GRIK5: variants seen among roughly 807,000 people sequenced by gnomAD.
The protein encoded by GRIK5 is glutamate ionotropic receptor kainate type subunit 5.
In GRIK5, 43 loss-of-function variants were observed where a neutral mutation model predicts 97.4. The observed-to-expected ratio is 0.44, with a 90% confidence interval of 0.35 to 0.57. GRIK5 has a LOEUF of 0.57. Ranked by LOEUF, GRIK5 falls within the 20% of genes least tolerant of loss-of-function variation. GRIK5 has a pLI of 0.01. For synonymous variants in GRIK5, 580 were observed against 583.5 expected (o/e 0.99, Z 0.09); for missense variants, 1,015 against 1,382.0 (o/e 0.73, Z 4.21).
intron 5 of GRIK5, among the ~76,000 whole-genome samples, chr19:42,061,146 C>T (rs1489835540): frequency 2.0e-5 from 3 of 152,194 alleles, no homozygotes; most frequent in Non-Finnish European, 4.4e-5. Context: ...CTCCCGGGTT[C>T]ACGCCATTCT....
intron 12 of GRIK5, among the ~76,000 whole-genome samples, chr19:42,032,751 C>A (rs1206405500): frequency 3.9e-5 from 6 of 152,234 alleles, no homozygotes; most frequent in African/African-American, 1.4e-4. Flanking sequence ...TCGCCATTCG[C>A]CAGCTGCCCT....
chr19:42,030,599 T>C (rs1473781129), intron 12 of GRIK5, among the ~76,000 whole-genome samples: 1 of 151,966 alleles, frequency 6.6e-6, no homozygotes, highest in Non-Finnish European at 1.5e-5. Flanking sequence ...ACTGTGACTA[T>C]AGGCATGTGC....
Position 42,002,376 on chromosome 19 carries a change from G to A in GRIK5, c.2514+956C>T. 1.4e-6 allele frequency: 1 copy of A among 717,644 alleles called. No homozygotes were observed. Among genetic ancestry groups the A allele is most frequent in the East Asian group, 2.7e-5 (1 of 37,294 alleles). 44.5% of individuals were successfully genotyped at this position (717,644 alleles called of 1,614,324 possible). On this transcript the variant is annotated intron_variant, in intron 19 of 19. Transcript: ENST00000593562. This position sits in a 1 kb window ranked among gnomAD's most constrained non-coding sequence, Gnocchi z 5.2. ...TGGTGGCCTGAATCCAATAAAGAGAGGACAACTGATGCTGCAGGAGGAAAG... is the reference window on the plus strand; with the variant it reads ...TGGTGGCCTGAATCCAATAAAGAGAAGACAACTGATGCTGCAGGAGGAAAG...
chr19:42,013,103 C>T (rs370777492), intron 15 of GRIK5, among the ~76,000 whole-genome samples: 60 of 151,320 alleles, frequency 4.0e-4, no homozygotes, highest in Non-Finnish European at 7.1e-4. Context: ...CCTGTAATCG[C>T]GGCACTTTGG....
rs2076194831 is a variant in GRIK5, at chr19:42,056,936, G to A, written c.730C>T (p.Leu244Phe). Residue 244 changes from leucine (L) to phenylalanine (F), a missense_variant, in exon 7 of 20, where the codon CTC (leucine) becomes TTC (phenylalanine). Leu to Phe is a conservative substitution (Grantham distance 22). This residue lies in a region of GRIK5 where 477 missense variants were observed against 701.1 expected (regional missense o/e 0.68). Transcript: ENST00000593562. The part of the protein sequence containing the change: ...GMTSAFYKYI[L>F]TTMDFPILHL... ...GAGGGCATACACACCATGGTGGTGA[G>A]GATGTACTTGTAAAACGCTGAGGTC... The A allele has an allele frequency of 1.9e-6, 3 of 1,579,310 alleles. No individual in the cohort carries two copies. The African/African-American group carries it at 4.0e-5, about 21-fold the overall frequency.
rs1208299404 is a variant in GRIK5, at chr19:42,065,115, G to T, written c.244+108C>A. ...AGAGACAAACACAAAGAAGGGGGAGGATGGAGCTAGAAGAGGACAAGGCCA... is the reference window on the plus strand; with the variant it reads ...AGAGACAAACACAAAGAAGGGGGAGTATGGAGCTAGAAGAGGACAAGGCCA... On this transcript the variant is annotated intron_variant, in intron 3 of 19. Coordinates refer to ENST00000593562, the MANE Select transcript of GRIK5 (RefSeq NM_002088.5). The surrounding 1 kb of genome is among the most constrained non-coding windows in gnomAD (Gnocchi z 5.8). 8.8e-6 allele frequency: 8 copies of T among 913,538 alleles called. No individual in the cohort carries two copies. The highest frequency in any genetic ancestry group is 1.3e-5 in the Non-Finnish European group (8 of 604,238). 56.6% of individuals were successfully genotyped at this position (913,538 alleles called of 1,614,324 possible).
chr19:42,007,331 G>C (rs564835732), intron 15 of GRIK5, among the ~76,000 whole-genome samples: 12 of 152,112 alleles, frequency 7.9e-5, no homozygotes, highest in Non-Finnish European at 1.3e-4. Flanking sequence ...CTGACCTCAG[G>C]TGATCCACCT....
rs181815755 is a variant in GRIK5, at chr19:42,048,417, C to T, written c.1269+5185G>A. 1.9e-3 allele frequency among the ~76,000 whole-genome samples: 285 copies of T among 152,072 alleles called. 4 individuals carry two copies. The highest frequency in any genetic ancestry group is 6.5e-3 in the African/African-American group (269 of 41,500). On this transcript the variant is annotated intron_variant, in intron 11 of 19. Transcript: ENST00000593562. ...TGGGCAGATCACGAGGTCAGGAGATCGAGACCATCCTGGCTAATCGGTGAA... is the reference window on the plus strand; with the variant it reads ...TGGGCAGATCACGAGGTCAGGAGATTGAGACCATCCTGGCTAATCGGTGAA...
chr19:41,998,806 G>A lies in GRIK5; in HGVS notation c.*65C>T, dbSNP rs1195710725. The A allele has an allele frequency of 4.8e-6, 4 of 836,206 alleles. No homozygotes were observed. Among genetic ancestry groups the A allele is most frequent in the African/African-American group, 1.8e-5 (1 of 54,454 alleles). 51.8% of individuals were successfully genotyped at this position (836,206 alleles called of 1,614,324 possible). ...CGCGCCCGCTGCGGGAGCGGAGACT[G>A]CTGGGGCCTGGGGCGGGCCCCGTCC... On this transcript the variant is annotated 3_prime_UTR_variant, in exon 20 of 20. Coordinates refer to ENST00000593562, the MANE Select transcript of GRIK5 (RefSeq NM_002088.5).
intron 15 of GRIK5, among the ~76,000 whole-genome samples, chr19:42,009,614 A>G (rs2075535688): frequency 6.6e-6 from 1 of 152,028 alleles, no homozygotes; most frequent in South Asian, 2.1e-4. Flanking sequence ...CTAGAAATAC[A>G]AAAATTAGCC....
chr19:42,060,956 G>A (rs1599847510), intron 5 of GRIK5, among the ~76,000 whole-genome samples: 1 of 152,172 alleles, frequency 6.6e-6, no homozygotes, highest in East Asian at 1.9e-4. Context: ...CCTCTCCTCA[G>A]AATGTACTTG....
At chr19:42,055,523 A>C (rs952306252) in intron 8 of GRIK5, among the ~76,000 whole-genome samples, 4 of 152,204 alleles carry the variant, frequency 2.6e-5, no homozygotes, top group East Asian at 1.9e-4. Flanking sequence ...ATGGTGAACA[A>C]AATAAACAGA....
intron 15 of GRIK5, among the ~76,000 whole-genome samples, chr19:42,012,251 TATG>T (rs1483557297): frequency 1.3e-5 from 2 of 151,998 alleles, no homozygotes; most frequent in Admixed American, 6.5e-5. Context: ...TGTATGTATG[TATG>T]TATTTATTTA....
chr19:42,030,142 GATTCT>G (rs1261533701), intron 12 of GRIK5, among the ~76,000 whole-genome samples: 2 of 152,168 alleles, frequency 1.3e-5, no homozygotes, highest in East Asian at 3.9e-4. Context: ...TAACTGATAT[GATTCT>G]ATTCAAGTAA....
intron 6 of GRIK5, 86 bp from the exon 7 acceptor site, chr19:42,057,064 T>C: frequency 2.0e-6 from 2 of 981,904 alleles, no homozygotes; most frequent in Admixed American, 4.0e-5. Flanking sequence ...AGAAGAGAGA[T>C]TTAGAGACAG....
intron 12 of GRIK5, among the ~76,000 whole-genome samples, chr19:42,029,267 C>T (rs2075811573): frequency 6.6e-6 from 1 of 151,558 alleles, no homozygotes; most frequent in African/African-American, 2.4e-5. Flanking sequence ...GGCGTTTCAC[C>T]ATGTTGGCCA....
At chr19:42,040,668 C>A (rs893985415) in intron 12 of GRIK5, among the ~76,000 whole-genome samples, 1 of 151,974 alleles carries the variant, frequency 6.6e-6, no homozygotes, top group Non-Finnish European at 1.5e-5. Flanking sequence ...ACCAGCCTGG[C>A]CAACATGATG....
intron 15 of GRIK5, among the ~76,000 whole-genome samples, chr19:42,018,217 G>A (rs1289406278): frequency 2.7e-5 from 4 of 150,386 alleles, no homozygotes; most frequent in African/African-American, 4.9e-5. Context: ...CCAGCTACTC[G>A]GGAAGCTGAG....
rs893758121 is a variant in GRIK5, at chr19:42,022,145, C to T, written c.1588-89G>A. 20 of 1,389,172 alleles carry T rather than the reference C, an allele frequency of 1.4e-5. No individual in the cohort carries two copies. The East Asian group carries it at 1.6e-4, about 11-fold the overall frequency. 86.1% of individuals were successfully genotyped at this position (1,389,172 alleles called of 1,614,324 possible). On this transcript the variant is annotated intron_variant, in intron 13 of 19. Transcript: ENST00000593562. The surrounding 1 kb of genome is among the most constrained non-coding windows in gnomAD (Gnocchi z 4.2). ...CCTACCAGGGACCTGGGAGCCTGAC[C>T]GGCCCATCTGAGGTCCTGGGGCTGT... is the stretch of plus-strand genomic sequence containing the variant.
Sources: allele counts gnomAD v4.1 joint callset (sites outside exome capture counted in the v4.1 genomes callset), GRCh38; gene constraint gnomAD v4.1.1; regional missense constraint gnomAD v4.1.1; non-coding constraint Gnocchi (gnomAD v3.1); transcripts MANE v1.5; gene names NCBI Gene and HGNC (gene_info 2026-07-23, HGNC 2026-07-21).